ARL15: variants seen among roughly 807,000 people sequenced by gnomAD.
The protein encoded by ARL15 is ADP-ribosylation factor-like protein 15.
Under a neutral mutation model 25.2 loss-of-function variants are expected in ARL15, and 19 were observed. The observed-to-expected ratio is 0.75, with a 90% confidence interval of 0.53 to 1.10. The LOEUF (loss-of-function observed/expected upper bound fraction) is 1.10. ARL15 is among the 50% of genes least tolerant of loss of function. The probability of loss-of-function intolerance (pLI) is 0.00; values close to 1 mark genes in which losing one functional copy is unlikely to be tolerated. For missense variants in ARL15, 220 were observed against 246.0 expected (o/e 0.89, Z 0.71); for synonymous variants, 94 against 86.8 (o/e 1.08, Z -0.46).
chr5:53,939,982 T>C (rs1489663660), intron 4 of ARL15, among the ~76,000 whole-genome samples: 1 of 149,734 alleles, frequency 6.7e-6, no homozygotes, highest in African/African-American at 2.4e-5. Context: ...CCTGAACTTT[T>C]TTTTTTTTTT....
chr5:54,282,492 C>G, intron 1 of ARL15: 1 of 985,380 alleles, frequency 1.0e-6, no homozygotes, highest in Non-Finnish European at 1.2e-6. Flanking sequence ...TAGGCTAGCT[C>G]AAAGACAGGG....
intron 4 of ARL15, among the ~76,000 whole-genome samples, chr5:54,001,070 C>G (rs1170543451): frequency 4.6e-5 from 7 of 152,174 alleles, no homozygotes. Context: ...TATTTTAGTA[C>G]TTTTAATGGT....
intron 1 of ARL15, among the ~76,000 whole-genome samples, chr5:54,230,541 T>C (rs1413688238): frequency 6.6e-6 from 1 of 151,928 alleles, no homozygotes; most frequent in African/African-American, 2.4e-5. Flanking sequence ...AATATATATA[T>C]ATCTTTCCAA....
intron 1 of ARL15, among the ~76,000 whole-genome samples, chr5:54,175,611 AG>A (rs897169111): frequency 6.6e-6 from 1 of 151,566 alleles, no homozygotes; most frequent in Non-Finnish European, 1.5e-5. Context: ...CTGGGATTAC[AG>A]GTGTGAGCCA....
intron 1 of ARL15, among the ~76,000 whole-genome samples, chr5:54,239,961 C>T (rs1280552795): frequency 1.3e-5 from 2 of 152,158 alleles, no homozygotes; most frequent in Non-Finnish European, 2.9e-5. Context: ...GGCGCGGTGG[C>T]TCAGGCCTGT....
At chr5:54,130,223 A>AAAAC (rs908713199) in intron 3 of ARL15, among the ~76,000 whole-genome samples, 1 of 152,152 alleles carries the variant, frequency 6.6e-6, no homozygotes, top group Admixed American at 6.5e-5. Context: ...GTCTCAAAAC[A>AAAAC]AAACAAACAA....
chr5:54,290,588 G>A (rs1758298669), intron 1 of ARL15, among the ~76,000 whole-genome samples: 1 of 152,054 alleles, frequency 6.6e-6, no homozygotes, highest in Admixed American at 6.6e-5. Flanking sequence ...TTACAGGCAT[G>A]AGCCACCGTG....
rs369835003 is a variant in ARL15 at position 54,310,418 on chromosome 5, T to C, written c.48+14A>G. 1.9e-6 allele frequency: 3 copies of C among 1,607,452 alleles called. No homozygotes were observed. The highest frequency in any genetic ancestry group is 2.5e-6 in the Non-Finnish European group (3 of 1,177,264). On this transcript the variant is annotated intron_variant, in intron 1 of 4. Transcript: ENST00000504924. ...GATCCGAGAGGCGACATGCCACCCC[T>C]GCCCTGCACCTACCAGATAATCCAT... is the stretch of plus-strand genomic sequence containing the variant.
chr5:54,232,865 C>T (rs1041997447), intron 1 of ARL15, among the ~76,000 whole-genome samples: 1 of 152,196 alleles, frequency 6.6e-6, no homozygotes, highest in African/African-American at 2.4e-5. Context: ...CTTCACAACA[C>T]CCAGTTCTAT....
intron 2 of ARL15, among the ~76,000 whole-genome samples, chr5:54,168,499 T>C (rs1487139232): frequency 1.3e-5 from 2 of 152,092 alleles, no homozygotes; most frequent in East Asian, 3.9e-4. Flanking sequence ...AGCATAACTG[T>C]CACTTTTACA....
intron 4 of ARL15, among the ~76,000 whole-genome samples, chr5:54,062,146 C>G (rs1481245824): frequency 6.6e-6 from 1 of 152,184 alleles, no homozygotes; most frequent in African/African-American, 2.4e-5. Context: ...TGTATTTACC[C>G]AATGCCTGTA....
chr5:54,091,712 C>G (rs992248872), intron 4 of ARL15, among the ~76,000 whole-genome samples: 3 of 151,752 alleles, frequency 2.0e-5, no homozygotes, highest in Non-Finnish European at 4.4e-5. Context: ...CATTTTGGCA[C>G]AGACCTTTGG....
chr5:54,046,895 T>TGTGG (rs1255751134), intron 4 of ARL15, among the ~76,000 whole-genome samples: 2 of 152,108 alleles, frequency 1.3e-5, no homozygotes, highest in Admixed American at 6.5e-5. Context: ...GGCCAGGGCC[T>TGTGG]TATGGGGAAT....
intron 4 of ARL15, chr5:53,951,564 A>G (rs1694089): frequency 2.1e-6 from 1 of 475,976 alleles, no homozygotes; most frequent in Non-Finnish European, 4.4e-6. Flanking sequence ...TTCTAAAAGC[A>G]CTGATCTAGA....
At chr5:53,896,400 C>T (rs1744875688) in intron 4 of ARL15, among the ~76,000 whole-genome samples, 1 of 152,056 alleles carries the variant, frequency 6.6e-6, no homozygotes, top group Admixed American at 6.6e-5. Flanking sequence ...ATTAAGGAAA[C>T]AATTTGCCAT....
At chr5:54,084,302 T>C (rs1361188256) in intron 4 of ARL15, among the ~76,000 whole-genome samples, 1 of 151,884 alleles carries the variant, frequency 6.6e-6, no homozygotes, top group Non-Finnish European at 1.5e-5. Flanking sequence ...AGATGGTTCC[T>C]GATAGAGTGG....
At chr5:53,956,983 C>A (rs1747181398) in intron 4 of ARL15, among the ~76,000 whole-genome samples, 1 of 151,680 alleles carries the variant, frequency 6.6e-6, no homozygotes, top group Admixed American at 6.6e-5. Flanking sequence ...AGTATACCAA[C>A]TTACACATAA....
intron 1 of ARL15, among the ~76,000 whole-genome samples, chr5:54,261,047 G>GCCCTCATT: frequency 6.6e-6 from 1 of 152,154 alleles, no homozygotes; most frequent in Middle Eastern, 3.2e-3. Flanking sequence ...AGCAGGTCTT[G>GCCCTCATT]CCCTCATTTG....
intron 1 of ARL15, among the ~76,000 whole-genome samples, chr5:54,277,273 C>T (rs111934457): frequency 5.3e-5 from 8 of 151,726 alleles, no homozygotes; most frequent in African/African-American, 9.7e-5. Flanking sequence ...TCCCTCCCCC[C>T]GCAAAAAAGA....
Sources: gnomAD v4.1 joint callset for allele counts (sites outside exome capture counted in the v4.1 genomes callset) on GRCh38, gnomAD v4.1.1 for gene constraint, MANE v1.5 for transcripts, NCBI Gene and HGNC (gene_info 2026-07-23, HGNC 2026-07-21) for gene names.